TBL1XR1: variants seen among roughly 807,000 people sequenced by gnomAD.
TBL1XR1 encodes the protein F-box-like/WD repeat-containing protein TBL1XR1.
A neutral mutation model predicts 66.9 loss-of-function variants in TBL1XR1; 5 were observed. The ratio of observed to expected loss-of-function variants is 0.07; its 90% CI spans 0.04 to 0.16. The LOEUF (loss-of-function observed/expected upper bound fraction) is 0.16, where lower values mean the gene tolerates loss of function less well. Ranked by LOEUF, TBL1XR1 falls within the 10% of genes least tolerant of loss-of-function variation. TBL1XR1 has a pLI of 1.00. For missense variants in TBL1XR1, 238 were observed against 623.2 expected, an observed-to-expected ratio of 0.38 and a Z score of 6.58; for synonymous variants, 210 against 206.0, an observed-to-expected ratio of 1.02 and a Z score of -0.17.
intron 1 of TBL1XR1, among the ~76,000 whole-genome samples, chr3:177,164,453 G>A (rs1732587538): frequency 6.6e-6 from 1 of 151,654 alleles, no homozygotes; most frequent in Non-Finnish European, 1.5e-5. Context: ...GGGTTGAAGC[G>A]ATTCTCCTGC....
intron 1 of TBL1XR1, among the ~76,000 whole-genome samples, chr3:177,137,646 C>T (rs1028640287): frequency 2.6e-4 from 39 of 152,044 alleles, no homozygotes; most frequent in African/African-American, 8.9e-4. Context: ...CAAGGCCCCA[C>T]GCAAAATGAA....
Position 177,159,125 on chromosome 3 carries a change from T to C in TBL1XR1, c.-122+37996A>G, listed in dbSNP as rs146989636. Among the ~76,000 whole-genome samples, 563 of 152,186 alleles carry C rather than the reference T, an allele frequency of 3.7e-3. 7 individuals carry two copies. Among genetic ancestry groups the C allele is most frequent in the Middle Eastern group, 6.8e-3 (2 of 294 alleles). Reference sequence around the variant, plus strand: ...CAGTGGTAAAGACAGTTTTTACTTATGTGGAACTCAGCTGGATTTTCTCAA... The same window carrying C: ...CAGTGGTAAAGACAGTTTTTACTTACGTGGAACTCAGCTGGATTTTCTCAA... On this transcript the variant is annotated intron_variant, in intron 1 of 15. Transcript: ENST00000457928.
intron 1 of TBL1XR1, among the ~76,000 whole-genome samples, chr3:177,140,098 C>T (rs564556547): frequency 1.3e-5 from 2 of 152,206 alleles, no homozygotes; most frequent in South Asian, 4.1e-4. Context: ...GTCAGGAGTT[C>T]GAGACCAGCC....
At chr3:177,123,494 G>C (rs1190401740) in intron 1 of TBL1XR1, among the ~76,000 whole-genome samples, 2 of 152,020 alleles carry the variant, frequency 1.3e-5, no homozygotes, top group Non-Finnish European at 2.9e-5. Flanking sequence ...ACATGGAAGA[G>C]GCTAAGCTCA....
intron 1 of TBL1XR1, among the ~76,000 whole-genome samples, chr3:177,103,866 A>G (rs1724534127): frequency 6.6e-6 from 1 of 152,216 alleles, no homozygotes; most frequent in African/African-American, 2.4e-5. Context: ...ATATAATCCC[A>G]GCACTTTGGA....
chr3:177,045,294 A>G (rs1449668540), intron 10 of TBL1XR1, among the ~76,000 whole-genome samples: 1 of 152,192 alleles, frequency 6.6e-6, no homozygotes, highest in African/African-American at 2.4e-5. Flanking sequence ...CAACAAAATC[A>G]AAGAGACAGC....
At chr3:177,183,882 C>T (rs757966549) in intron 1 of TBL1XR1, among the ~76,000 whole-genome samples, 2 of 152,012 alleles carry the variant, frequency 1.3e-5, no homozygotes, top group African/African-American at 2.4e-5. Flanking sequence ...CAAGGTGGAT[C>T]ACCTGAAGTC....
chr3:177,112,107 A>ATATTTTTTT, intron 1 of TBL1XR1, among the ~76,000 whole-genome samples: 6 of 37,648 alleles, frequency 1.6e-4, no homozygotes, highest in East Asian at 1.8e-3. Flanking sequence ...ATATATATAT[A>ATATTTTTTT]TTTTTTTTTT....
rs537226419 is a variant in TBL1XR1, at chr3:177,179,612, C to T, written c.-122+17509G>A. Among the ~76,000 whole-genome samples, 5 of 152,250 alleles carry T rather than the reference C, an allele frequency of 3.3e-5. No homozygotes were observed. In the South Asian group the frequency reaches 1.0e-3, roughly 32 times the overall value. ...AGGTTGCAGAAGTTATTCCTAAACCCAACCTCAAAGTTGCAACTACTCTTG... is the reference window on the plus strand; with the variant it reads ...AGGTTGCAGAAGTTATTCCTAAACCTAACCTCAAAGTTGCAACTACTCTTG... On this transcript the variant is annotated intron_variant, in intron 1 of 15. Coordinates refer to ENST00000457928, the MANE Select transcript of TBL1XR1 (RefSeq NM_024665.7).
chr3:177,115,088 G>A (rs1055042321), intron 1 of TBL1XR1, among the ~76,000 whole-genome samples: 3 of 152,056 alleles, frequency 2.0e-5, no homozygotes, highest in East Asian at 1.9e-4. Flanking sequence ...ACAGTGCCAT[G>A]GGCAGGATGG....
intron 1 of TBL1XR1, among the ~76,000 whole-genome samples, chr3:177,100,998 G>A (rs1324297862): frequency 1.3e-5 from 2 of 151,994 alleles, no homozygotes; most frequent in Admixed American, 1.3e-4. Context: ...TGGGACTACC[G>A]GCACGCGCCA....
At chr3:177,050,209 C>A in intron 6 of TBL1XR1, 71 bp from the exon 7 acceptor site, 2 of 1,505,456 alleles carry the variant, frequency 1.3e-6, no homozygotes, top group Non-Finnish European at 1.8e-6. Context: ...AACATATTTA[C>A]ATCTGAATAT....
At chr3:177,114,821 T>A (rs1397257005) in intron 1 of TBL1XR1, among the ~76,000 whole-genome samples, 3 of 150,166 alleles carry the variant, frequency 2.0e-5, no homozygotes, top group African/African-American at 4.9e-5. Context: ...ATAAAAAAAA[T>A]GTTAAAAATT....
chr3:177,040,292 G>T lies in TBL1XR1; in HGVS notation c.926-1858C>A, dbSNP rs1576999465. On this transcript the variant is annotated intron_variant, in intron 10 of 15. Coordinates refer to ENST00000457928, the MANE Select transcript of TBL1XR1 (RefSeq NM_024665.7). ...ATTGCACCACTGCACTCCAGTCTGG[G>T]CAACAGAGTAAGACTACTATGTCTC... Among the ~76,000 whole-genome samples the T allele has an allele frequency of 3.9e-5, 6 of 152,310 alleles. 1 individual carries two copies. Among genetic ancestry groups the T allele is most frequent in the Admixed American group, 3.9e-4 (6 of 15,290 alleles).
At chr3:177,162,460 G>A (rs1237445678) in intron 1 of TBL1XR1, among the ~76,000 whole-genome samples, 1 of 152,162 alleles carries the variant, frequency 6.6e-6, no homozygotes, top group Non-Finnish European at 1.5e-5. Flanking sequence ...AAAAATCATA[G>A]GCACAACTAA....
At chr3:177,144,424 T>C (rs1729996025) in intron 1 of TBL1XR1, among the ~76,000 whole-genome samples, 1 of 152,102 alleles carries the variant, frequency 6.6e-6, no homozygotes, top group Admixed American at 6.5e-5. Context: ...AAGGTCTCTG[T>C]TGCAACTACT....
intron 1 of TBL1XR1, among the ~76,000 whole-genome samples, chr3:177,183,305 G>A (rs1289935325): frequency 6.6e-6 from 1 of 152,156 alleles, no homozygotes; most frequent in African/African-American, 2.4e-5. Flanking sequence ...GAAGAGTACA[G>A]AAAATGTGTG....
intron 2 of TBL1XR1, among the ~76,000 whole-genome samples, chr3:177,097,302 A>G (rs1336469122): frequency 6.6e-6 from 1 of 152,186 alleles, no homozygotes; most frequent in Non-Finnish European, 1.5e-5. Context: ...TTGATTCTTT[A>G]AAAAAGTAAA....
At chr3:177,200,457 C>T (rs750204563), upstream of TBL1XR1, among the ~76,000 whole-genome samples, 1 of 152,166 alleles carries the variant, frequency 6.6e-6, no homozygotes, top group African/African-American at 2.4e-5. Flanking sequence ...TAAACCATCA[C>T]TCAAAGGTCA....
Sources: allele counts gnomAD v4.1 joint callset (sites outside exome capture counted in the v4.1 genomes callset), GRCh38; gene constraint gnomAD v4.1.1; transcripts MANE v1.5; gene names NCBI Gene and HGNC (gene_info 2026-07-23, HGNC 2026-07-21).